Variants in PPARG observed in about 807,000 individuals in gnomAD.
PPARG encodes the protein peroxisome proliferator-activated receptor gamma.
PPARG carries 17 observed loss-of-function variants against 39.2 expected under a neutral mutation model. The observed-to-expected ratio is 0.43, with a 90% CI of 0.30 to 0.65. The LOEUF (loss-of-function observed/expected upper bound fraction) is 0.65. Ranked by LOEUF, PPARG falls within the 30% of genes least tolerant of loss-of-function variation. The pLI is 0.13. For synonymous variants in PPARG, 223 were observed against 215.7 expected (o/e 1.03, Z -0.30); for missense variants, 406 against 585.9 (o/e 0.69, Z 3.17).
In PPARG at chr3:12,379,905, A is replaced by G. The variant is rs1477623791; in HGVS notation, c.194A>G (p.Tyr65Cys). ...GATCCAGTGGTTGCAGATTACAAGT[A>G]TGACCTGAAACTTCAAGAGTACCAA... ...RTDPVVADYKYDLKLQEYQSA... is the reference protein window; with the variant it reads ...RTDPVVADYKCDLKLQEYQSA... Residue 65 changes from tyrosine to cysteine, a missense_variant, in exon 3 of 8, where the codon TAT (tyrosine) becomes TGT (cysteine). Tyr to Cys is a radical substitution (Grantham distance 194). Transcript: ENST00000651735. The G allele has an allele frequency of 2.5e-6, 4 of 1,611,060 alleles. No individual in the cohort carries two copies. In the East Asian group the frequency reaches 6.7e-5, roughly 27 times the overall value.
intron 5 of PPARG, among the ~76,000 whole-genome samples, chr3:12,395,897 G>A (rs4135336): frequency 0.021 from 3,201 of 152,136 alleles, 119 homozygotes; most frequent in African/African-American, 0.073. Context: ...GCCACTCAGC[G>A]GTGTATGTAA....
At chr3:12,304,288 T>G (rs977416564) in intron 1 of PPARG, among the ~76,000 whole-genome samples, 9 of 152,234 alleles carry the variant, frequency 5.9e-5, no homozygotes, top group African/African-American at 2.2e-4. Context: ...GGATGCCATT[T>G]TAATTGGGTG....
intron 2 of PPARG, among the ~76,000 whole-genome samples, chr3:12,362,047 A>AT (rs908990394): frequency 4.6e-5 from 7 of 152,034 alleles, no homozygotes; most frequent in African/African-American, 7.2e-5. Context: ...ATTTTGTTAG[A>AT]TTTTTTCCCC....
chr3:12,329,571 G>C (rs2047791948), intron 2 of PPARG, among the ~76,000 whole-genome samples: 1 of 152,132 alleles, frequency 6.6e-6, no homozygotes, highest in Admixed American at 6.5e-5. Context: ...AAGTTTAGCA[G>C]TTTTAGATGT....
chr3:12,422,717 A>T (rs2051305520), intron 7 of PPARG, among the ~76,000 whole-genome samples: 1 of 151,938 alleles, frequency 6.6e-6, no homozygotes, highest in Non-Finnish European at 1.5e-5. Context: ...TCGTCTCTAC[A>T]AAAAATACAA....
At chr3:12,384,361 C>A (rs560952248) in intron 4 of PPARG, among the ~76,000 whole-genome samples, 1 of 151,840 alleles carries the variant, frequency 6.6e-6, no homozygotes, top group Admixed American at 6.6e-5. Flanking sequence ...GGTTTTTATT[C>A]GGCGTAAAGA....
At position 12,323,935 on chromosome 3, in the gene PPARG, G is replaced by A. The variant is rs113629543; in HGVS notation, c.-9+11482G>A. Among the ~76,000 whole-genome samples the A allele has an allele frequency of 7.7e-3, 1,165 of 152,270 alleles. 7 individuals carry two copies. Among genetic ancestry groups the A allele is most frequent in the Non-Finnish European group, 0.01 (701 of 68,028 alleles). ...GCGAGTAGGACAGTTCTCTTCTGAG[G>A]CAGCTGAGTCAAGTACAGCAGAGAA... is the stretch of plus-strand genomic sequence containing the variant. On this transcript the variant is annotated intron_variant, in intron 2 of 7. Transcript: ENST00000651735.
At chr3:12,308,294 T>C (rs1383627751) in intron 1 of PPARG, among the ~76,000 whole-genome samples, 1 of 127,832 alleles carries the variant, frequency 7.8e-6, no homozygotes, top group Non-Finnish European at 1.5e-5. Context: ...CAGTGAACCA[T>C]GATCACACCA....
At chr3:12,299,887 G>T (rs1349182354) in intron 1 of PPARG, among the ~76,000 whole-genome samples, 1 of 152,036 alleles carries the variant, frequency 6.6e-6, no homozygotes, top group Non-Finnish European at 1.5e-5. Flanking sequence ...CGTAAAAGGA[G>T]ACCCAGATCC....
intron 4 of PPARG, among the ~76,000 whole-genome samples, chr3:12,387,633 G>A (rs1190701689): frequency 6.6e-6 from 1 of 152,080 alleles, no homozygotes; most frequent in East Asian, 1.9e-4. Context: ...TGTCAGATGG[G>A]TAGATTGCAA....
chr3:12,413,379 C>A (rs1559531681), intron 6 of PPARG, among the ~76,000 whole-genome samples: 1 of 152,150 alleles, frequency 6.6e-6, no homozygotes, highest in East Asian at 1.9e-4. Flanking sequence ...ATCTATGCAG[C>A]CTTCGGAAAT....
chr3:12,296,674 G>C (rs541135300), intron 1 of PPARG, among the ~76,000 whole-genome samples: 2 of 152,282 alleles, frequency 1.3e-5, no homozygotes, highest in African/African-American at 4.8e-5. Context: ...TTTGTCAAGA[G>C]GCTAGCCGGC....
chr3:12,356,868 G>A (rs551391405), intron 2 of PPARG, among the ~76,000 whole-genome samples: 2 of 152,228 alleles, frequency 1.3e-5, no homozygotes, highest in South Asian at 4.2e-4. Context: ...AGTATGTCTT[G>A]AAATGCCTTT....
At chr3:12,372,077 A>G (rs754804032) in intron 2 of PPARG, 9 of 720,736 alleles carry the variant, frequency 1.2e-5, no homozygotes, top group Middle Eastern at 2.3e-4. Context: ...GTCATTTCCA[A>G]CAAAACTACA....
chr3:12,355,414 G>A (rs71304101), intron 2 of PPARG, among the ~76,000 whole-genome samples: 13,955 of 152,236 alleles, frequency 0.092, 779 homozygotes, highest in Non-Finnish European at 0.13. Flanking sequence ...GGGATTACAG[G>A]CGTGAGCCAT....
intron 2 of PPARG, among the ~76,000 whole-genome samples, chr3:12,324,833 G>A (rs2047646653): frequency 6.6e-6 from 1 of 152,136 alleles, no homozygotes; most frequent in African/African-American, 2.4e-5. Context: ...TTGTTAAGAT[G>A]TCTGATTAGA....
intron 2 of PPARG, among the ~76,000 whole-genome samples, chr3:12,368,994 A>G (rs2049116423): frequency 6.6e-6 from 1 of 152,226 alleles, no homozygotes; most frequent in African/African-American, 2.4e-5. Flanking sequence ...TGTTAGGAGA[A>G]ATCATGGAAA....
chr3:12,336,785 G>A (rs572937059), intron 2 of PPARG, among the ~76,000 whole-genome samples: 4 of 152,296 alleles, frequency 2.6e-5, no homozygotes, highest in Admixed American at 1.3e-4. Flanking sequence ...TTGAACAAAG[G>A]CCTTTAGGTT....
intron 2 of PPARG, among the ~76,000 whole-genome samples, chr3:12,330,577 A>G (rs1484488239): frequency 6.6e-6 from 1 of 152,214 alleles, no homozygotes; most frequent in African/African-American, 2.4e-5. Context: ...TCATTTGAAC[A>G]CAGATAAATG....
Sources: allele counts gnomAD v4.1 joint callset (sites outside exome capture counted in the v4.1 genomes callset), GRCh38; gene constraint gnomAD v4.1.1; transcripts MANE v1.5; gene names NCBI Gene and HGNC (gene_info 2026-07-23, HGNC 2026-07-21).